The following CCNL2 variants were observed in gnomAD, a reference collection of about 807,000 sequenced individuals.
CCNL2 encodes the protein cyclin-L2.
CCNL2 carries 28 observed loss-of-function variants against 59.1 expected under a neutral mutation model. The ratio of observed to expected loss-of-function variants is 0.47; its 90% CI spans 0.35 to 0.65. CCNL2 has a LOEUF of 0.65. Ranked by LOEUF, CCNL2 falls within the 30% of genes least tolerant of loss-of-function variation. The probability of loss-of-function intolerance (pLI) is 0.00; values close to 1 mark genes in which losing one functional copy is unlikely to be tolerated. For synonymous variants in CCNL2, 342 were observed against 288.6 expected (o/e 1.19, Z -1.88); for missense variants, 714 against 717.4 (o/e 1.00, Z 0.05).
chr1:1,387,238 C>T lies in CCNL2; in HGVS notation c.1556G>A (p.Arg519Gln), dbSNP rs753544578. 8.1e-6 allele frequency: 13 copies of T among 1,601,224 alleles called. No individual in the cohort carries two copies. The Admixed American group carries it at 8.3e-5, about 10-fold the overall frequency. Residue 519 changes from arginine (R) to glutamine (Q), a missense_variant, in exon 11 of 11, where the codon CGG becomes CAG. Physicochemically the swap from Arg to Gln is conservative, Grantham distance 43 (BLOSUM62 1). Around this residue, in one of 5 missense-constraint regions of CCNL2, gnomAD observed 403 missense variants for 377.7 expected, o/e 1.07. Transcript: ENST00000400809. ...AGTCACTGCAACCCCGCCTCACCTCCGATGCCTGCTGTGCCCAGGGTGGTC... is the reference window on the plus strand; with the variant it reads ...AGTCACTGCAACCCCGCCTCACCTCTGATGCCTGCTGTGCCCAGGGTGGTC... ...ERDHPGHSRH[R>Q]R
intron 5 of CCNL2, chr1:1,392,275 T>G (rs1644801727): frequency 1.1e-6 from 1 of 941,888 alleles, no homozygotes; most frequent in South Asian, 4.8e-5. Flanking sequence ...TAAAAACAAA[T>G]GAAATCTTGA....
At chr1:1,396,620 GC>G (rs991223987) in intron 3 of CCNL2, among the ~76,000 whole-genome samples, 1 of 72,140 alleles carries the variant, frequency 1.4e-5, no homozygotes, top group Admixed American at 2.1e-4. Flanking sequence ...CACTTTTGTT[GC>G]CCAGGCTGGA....
chr1:1,390,665 G>C (rs766973260), intron 6 of CCNL2, 101 bp downstream of exon 6: 2 of 1,474,862 alleles, frequency 1.4e-6, no homozygotes, highest in African/African-American at 2.8e-5. Flanking sequence ...AAATGCTTTG[G>C]CCCAGATTAG....
At chr1:1,391,190 G>A in intron 5 of CCNL2, 1 of 1,137,116 alleles carries the variant, frequency 8.8e-7, no homozygotes, top group Non-Finnish European at 1.1e-6. Context: ...CTGCTCTCAT[G>A]CAAAGCACGA....
intron 8 of CCNL2, chr1:1,388,948 A>ACG: frequency 4.7e-6 from 1 of 211,294 alleles, no homozygotes; most frequent in South Asian, 5.1e-5. Flanking sequence ...GGTGGCGGGT[A>ACG]CCTGCAATCC....
intron 3 of CCNL2, among the ~76,000 whole-genome samples, chr1:1,396,184 G>A (rs1333389740): frequency 3.5e-5 from 4 of 113,216 alleles, no homozygotes; most frequent in South Asian, 3.2e-4. Context: ...GTGAGAGTCC[G>A]TCTCAGAAAA....
chr1:1,398,459 A>G, intron 2 of CCNL2, 117 bp from the exon 3 acceptor site: 1 of 1,570,524 alleles, frequency 6.4e-7, no homozygotes, highest in Non-Finnish European at 8.6e-7. Flanking sequence ...GGGAAAAAAA[A>G]AGTCAAGAAA....
At chr1:1,396,534 G>A (rs1266239029) in intron 3 of CCNL2, among the ~76,000 whole-genome samples, 2 of 149,718 alleles carry the variant, frequency 1.3e-5, no homozygotes, top group Non-Finnish European at 3.0e-5. Context: ...CCAAAGTGCT[G>A]GGACTATAGG....
intron 5 of CCNL2, chr1:1,391,090 A>AG: frequency 1.6e-5 from 18 of 1,094,368 alleles, no homozygotes; most frequent in Admixed American, 3.6e-5. Flanking sequence ...AGAAATTATT[A>AG]GAAAAAAAAA....
chr1:1,398,353 A>T lies in CCNL2; in HGVS notation c.364-11T>A. On this transcript the variant is annotated splice_polypyrimidine_tract_variant and intron_variant, in intron 2 of 10. Transcript: ENST00000400809. ...GGCCATTGACACATGCTGAAGCGGA[A>T]GCATTGCAACACGCCCATGTTTGTC... The T allele has an allele frequency of 6.2e-7, 1 of 1,614,078 alleles. No homozygotes were observed. The highest frequency in any genetic ancestry group is 8.5e-7 in the Non-Finnish European group (1 of 1,179,992).
chr1:1,387,117 C>T lies in CCNL2; in HGVS notation c.*114G>A, dbSNP rs933232642. On this transcript the variant is annotated 3_prime_UTR_variant, in exon 11 of 11. Coordinates refer to ENST00000400809, the MANE Select transcript of CCNL2 (RefSeq NM_030937.6). ...TCCAAAAAGAATCCTGTTCTAGGAC[C>T]ACTTGCGCTGAGAGCACACCCGGGG... is the stretch of plus-strand genomic sequence containing the variant. The T allele has an allele frequency of 9.1e-6, 7 of 766,392 alleles. No homozygotes were observed. Among genetic ancestry groups the T allele is most frequent in the Non-Finnish European group, 1.5e-5 (7 of 471,294 alleles). The allele number at this position is 766,392 out of a possible 1,614,324, so 47.5% of individuals were successfully genotyped here.
chr1:1,389,688 G>A (rs1557713728), intron 8 of CCNL2, among the ~76,000 whole-genome samples: 2 of 151,920 alleles, frequency 1.3e-5, no homozygotes, highest in Non-Finnish European at 2.9e-5. Flanking sequence ...AGCTGGGCAC[G>A]GTGGCTCACG....
Position 1,386,924 on chromosome 1 carries a change from A to G in CCNL2, c.*307T>C. 3.0e-6 allele frequency: 1 copy of G among 330,044 alleles called. No homozygotes were observed. The allele number at this position is 330,044 out of a possible 1,614,324, so 20.4% of individuals were successfully genotyped here. On this transcript the variant is annotated 3_prime_UTR_variant, in exon 11 of 11. Transcript: ENST00000400809. The stretch of plus-strand genomic sequence containing the variant: ...GCACCAGGCCATGCCAGGCCACGCC[A>G]ACAAGGGCGTGTGCATTCACTTTTT...
chr1:1,395,355 G>A (rs747230595), intron 4 of CCNL2, 39 bp downstream of exon 4: 36 of 1,610,116 alleles, frequency 2.2e-5, no homozygotes, highest in Middle Eastern at 1.7e-4. Context: ...CAGGAGCAGC[G>A]GCCTAGGCGG....
intron 8 of CCNL2, chr1:1,388,589 A>G (rs764867469): frequency 9.6e-5 from 40 of 418,690 alleles, no homozygotes; most frequent in African/African-American, 7.8e-4. Context: ...CTCTCTATAT[A>G]TATATATACA....
Position 1,399,147 on chromosome 1 carries a change from G to A in CCNL2, c.160C>T (p.Leu54=), listed in dbSNP as rs772964387. 3.1e-6 allele frequency: 5 copies of A among 1,612,210 alleles called. No individual in the cohort carries two copies. In the African/African-American group the frequency reaches 5.4e-5, roughly 17 times the overall value. The change falls in exon 1 of 11, where the codon CTG becomes TTG. Residue 54 remains leucine (L), a synonymous_variant. Coordinates refer to ENST00000400809, the MANE Select transcript of CCNL2 (RefSeq NM_030937.6). The part of the protein sequence containing the change: ...GVLITLENCL[L]PDDKLRFTPS... ...GTGAAACGGAGCTTGTCGTCAGGCA[G>A]GAGGCAGTTCTCCAAGGTGATGAGC...
chr1:1,393,389 A>T lies in CCNL2; in HGVS notation c.659+7T>A, dbSNP rs981026112. On this transcript the variant is annotated splice_region_variant and intron_variant, in intron 5 of 10. Coordinates refer to ENST00000400809, the MANE Select transcript of CCNL2 (RefSeq NM_030937.6). ...CTGGTCTCATAAAACAAGGAAGCTC[A>T]ACTCACCATGAGGTCTGGACCAGGT... The T allele has an allele frequency of 2.5e-6, 4 of 1,613,070 alleles. No individual in the cohort carries two copies. The highest frequency in any genetic ancestry group is 3.4e-6 in the Non-Finnish European group (4 of 1,179,128).
chr1:1,387,741 GGTA>G, intron 10 of CCNL2, 33 bp downstream of exon 10: 2 of 1,550,634 alleles, frequency 1.3e-6, no homozygotes, highest in Non-Finnish European at 1.8e-6. Context: ...GCCCCACCCC[GGTA>G]TCGGCCTCCT....
chr1:1,395,666 A>G, intron 3 of CCNL2, 152 bp from the exon 4 acceptor site: 1 of 1,056,380 alleles, frequency 9.5e-7, no homozygotes, highest in Non-Finnish European at 1.4e-6. Context: ...AAAACTGCAC[A>G]CCGCTCCCCA....
Sources: gnomAD v4.1 joint callset for allele counts (sites outside exome capture counted in the v4.1 genomes callset) on GRCh38, gnomAD v4.1.1 for gene constraint, gnomAD v4.1.1 regional missense constraint, MANE v1.5 for transcripts, NCBI Gene and HGNC (gene_info 2026-07-23, HGNC 2026-07-21) for gene names.